RYR2: variants seen among roughly 807,000 people sequenced by gnomAD.
RYR2 encodes the protein cardiac muscle ryanodine receptor-calcium release channel.
Under a neutral mutation model 601.1 loss-of-function variants are expected in RYR2, and 227 were observed. The ratio of observed to expected loss-of-function variants is 0.38; its 90% CI spans 0.34 to 0.42. RYR2 has a LOEUF of 0.42. Among genes scored for constraint, RYR2 ranks in the 10% least tolerant of loss-of-function variants. The probability of loss-of-function intolerance (pLI) is 1.00; values close to 1 mark genes in which losing one functional copy is unlikely to be tolerated. For synonymous variants in RYR2, 2,223 were observed against 2,175.1 expected (o/e 1.02, Z -0.61); for missense variants, 4,646 against 6,156.5 (o/e 0.75, Z 8.21).
chr1:237,158,000 A>G (rs1675588896), intron 1 of RYR2, among the ~76,000 whole-genome samples: 1 of 152,210 alleles, frequency 6.6e-6, no homozygotes, highest in Non-Finnish European at 1.5e-5. Context: ...ATGTGCCTCC[A>G]CAAGTATGTA....
intron 22 of RYR2, among the ~76,000 whole-genome samples, chr1:237,504,576 T>G (rs558605505): frequency 6.6e-6 from 1 of 152,324 alleles, no homozygotes; most frequent in African/African-American, 2.4e-5. Context: ...AAGGCTTGGC[T>G]TGGGCTCAGA....
At chr1:237,395,564 T>TTTTTTTTTTTTTTTTTG (rs1400077755) in intron 10 of RYR2, among the ~76,000 whole-genome samples, 2 of 77,630 alleles carry the variant, frequency 2.6e-5, no homozygotes, top group African/African-American at 1.2e-4. Flanking sequence ...TTTTTTTTTT[T>TTTTTTTTTTTTTTTTTG]GAGACAGAGT....
At position 237,500,760 on chromosome 1, in the gene RYR2, T is replaced by G. The variant is rs762905211; in HGVS notation, c.2253T>G (p.Thr751=). 97 of 1,613,872 alleles carry G rather than the reference T, an allele frequency of 6.0e-5. No individual in the cohort carries two copies. The South Asian group carries it at 6.9e-4, about 12-fold the overall frequency. Residue 751 remains threonine, a synonymous_variant, in exon 21 of 105, where the codon ACT becomes ACG. Coordinates refer to ENST00000366574, the MANE Select transcript of RYR2 (RefSeq NM_001035.3). ...CACCAAACCAACATCTGTTAAGAAC[T>G]GATGATGTCATCAGTTGCTGTTTAG... is the stretch of plus-strand genomic sequence containing the variant. ...VSSPNQHLLR[T]DDVISCCLDL...
intron 1 of RYR2, among the ~76,000 whole-genome samples, chr1:237,209,680 C>T (rs1408038603): frequency 6.6e-6 from 1 of 151,906 alleles, no homozygotes; most frequent in African/African-American, 2.4e-5. Flanking sequence ...TAGCCAGACC[C>T]TGTCTCTACA....
chr1:237,349,567 T>A (rs938464009), intron 3 of RYR2, among the ~76,000 whole-genome samples: 1 of 152,164 alleles, frequency 6.6e-6, no homozygotes, highest in African/African-American at 2.4e-5. Context: ...TTGTGGGGTT[T>A]AAAATATATG....
At chr1:237,183,510 G>A (rs765452193) in intron 1 of RYR2, among the ~76,000 whole-genome samples, 15 of 152,158 alleles carry the variant, frequency 9.9e-5, no homozygotes, top group African/African-American at 1.7e-4. Flanking sequence ...GGAAAGACAC[G>A]GGCATGGAAC....
intron 2 of RYR2, among the ~76,000 whole-genome samples, chr1:237,292,798 T>C (rs1459210746): frequency 1.3e-5 from 2 of 152,100 alleles, no homozygotes; most frequent in Non-Finnish European, 2.9e-5. Context: ...AGCTGATGAA[T>C]AGGAATGTTG....
intron 1 of RYR2, among the ~76,000 whole-genome samples, chr1:237,200,601 A>G (rs559739224): frequency 1.3e-5 from 2 of 152,288 alleles, no homozygotes; most frequent in Admixed American, 1.3e-4. Flanking sequence ...AAAAGTAGAT[A>G]CGAATCAGAA....
intron 10 of RYR2, among the ~76,000 whole-genome samples, chr1:237,407,947 A>G (rs1433857430): frequency 4.6e-5 from 7 of 151,888 alleles, no homozygotes; most frequent in Non-Finnish European, 8.8e-5. Context: ...AGTTCTTTAC[A>G]TATTTCGGAT....
At chr1:237,093,319 G>T (rs1667167464) in intron 1 of RYR2, among the ~76,000 whole-genome samples, 1 of 152,146 alleles carries the variant, frequency 6.6e-6, no homozygotes, top group South Asian at 2.1e-4. Context: ...AGTGATGGTG[G>T]GCTAGGGGAG....
intron 1 of RYR2, among the ~76,000 whole-genome samples, chr1:237,131,902 T>C (rs1672212182): frequency 1.3e-5 from 2 of 152,000 alleles, no homozygotes; most frequent in East Asian, 3.9e-4. Flanking sequence ...TAAAAAAATG[T>C]GTATGTAGGT....
chr1:237,753,361 C>T (rs912676777), intron 80 of RYR2, among the ~76,000 whole-genome samples: 1 of 152,116 alleles, frequency 6.6e-6, no homozygotes, highest in Non-Finnish European at 1.5e-5. Flanking sequence ...AGCCTTTCTA[C>T]TTGTTTCCCC....
intron 1 of RYR2, among the ~76,000 whole-genome samples, chr1:237,115,238 C>CG (rs1558259938): frequency 3.1e-5 from 2 of 64,284 alleles, no homozygotes; most frequent in Admixed American, 3.9e-4. Context: ...GAAACCACAC[C>CG]CCCCCCCTTG....
intron 34 of RYR2, 84 bp downstream of exon 34, chr1:237,595,741 A>T (rs1230842605): frequency 1.4e-6 from 2 of 1,472,308 alleles, no homozygotes; most frequent in Non-Finnish European, 1.8e-6. Context: ...GTAAGATCAA[A>T]AAGTAAAATA....
intron 3 of RYR2, among the ~76,000 whole-genome samples, chr1:237,332,204 C>T (rs1048535840): frequency 6.6e-5 from 10 of 151,948 alleles, no homozygotes; most frequent in Non-Finnish European, 1.0e-4. Flanking sequence ...TCAGTTATAA[C>T]GTTATTTTCA....
chr1:237,811,074 T>C (rs1209041583), intron 100 of RYR2, among the ~76,000 whole-genome samples: 2 of 152,178 alleles, frequency 1.3e-5, no homozygotes, highest in South Asian at 2.1e-4. Context: ...TTGATACTAT[T>C]TCTTTTTACC....
intron 14 of RYR2, among the ~76,000 whole-genome samples, chr1:237,454,052 G>A (rs1221085579): frequency 1.3e-5 from 2 of 152,172 alleles, no homozygotes; most frequent in African/African-American, 4.8e-5. Context: ...AATCTGGGAA[G>A]ATGAAGCCTG....
At chr1:237,301,179 C>T (rs757586174) in intron 2 of RYR2, among the ~76,000 whole-genome samples, 1 of 152,100 alleles carries the variant, frequency 6.6e-6, no homozygotes, top group Admixed American at 6.6e-5. Flanking sequence ...ACCACAATCT[C>T]ATAATGAAAA....
intron 3 of RYR2, among the ~76,000 whole-genome samples, chr1:237,344,715 A>G (rs1211977328): frequency 6.6e-6 from 1 of 152,096 alleles, no homozygotes; most frequent in Non-Finnish European, 1.5e-5. Flanking sequence ...TATACATTTT[A>G]TTTACATTAG....
Sources: allele counts gnomAD v4.1 joint callset (sites outside exome capture counted in the v4.1 genomes callset), GRCh38; gene constraint gnomAD v4.1.1; transcripts MANE v1.5; gene names NCBI Gene and HGNC (gene_info 2026-07-23, HGNC 2026-07-21).